FBN2: variants seen among roughly 807,000 people sequenced by gnomAD.
FBN2 encodes the protein fibrillin-2.
In FBN2, 105 loss-of-function variants were observed where a neutral mutation model predicts 355.6. The observed-to-expected ratio is 0.30, with a 90% CI of 0.25 to 0.35. The LOEUF (loss-of-function observed/expected upper bound fraction) is 0.35. Among genes scored for constraint, FBN2 ranks in the 10% least tolerant of loss-of-function variants. The pLI is 1.00. For missense variants in FBN2, 3,280 were observed against 3,758.7 expected (o/e 0.87, Z 3.33); for synonymous variants, 1,350 against 1,301.2 (o/e 1.04, Z -0.81).
At chr5:128,443,711 T>G (rs1753983654) in intron 7 of FBN2, among the ~76,000 whole-genome samples, 1 of 152,190 alleles carries the variant, frequency 6.6e-6, no homozygotes, top group South Asian at 2.1e-4. Context: ...AAAGAGAATT[T>G]AATTGCTGTG....
chr5:128,500,710 C>T (rs1478535938), intron 5 of FBN2, among the ~76,000 whole-genome samples: 1 of 152,054 alleles, frequency 6.6e-6, no homozygotes, highest in East Asian at 1.9e-4. Flanking sequence ...TCCTAAAGTG[C>T]TGGGATTACA....
At chr5:128,324,762 T>C (rs966409167) in intron 34 of FBN2, among the ~76,000 whole-genome samples, 2 of 151,962 alleles carry the variant, frequency 1.3e-5, no homozygotes, top group Non-Finnish European at 2.9e-5. Context: ...CGACTACAGG[T>C]GCCCGGCATC....
intron 62 of FBN2, among the ~76,000 whole-genome samples, chr5:128,271,238 T>C (rs1025338095): frequency 3.9e-5 from 6 of 152,234 alleles, no homozygotes; most frequent in African/African-American, 1.2e-4. Context: ...GATATTTCTC[T>C]GCAGGACCAC....
chr5:128,459,556 A>T (rs1754501353), intron 6 of FBN2, among the ~76,000 whole-genome samples: 2 of 152,240 alleles, frequency 1.3e-5, no homozygotes, highest in Admixed American at 6.5e-5. Context: ...AAAATCTTCA[A>T]TAAAATACTG....
intron 5 of FBN2, among the ~76,000 whole-genome samples, chr5:128,511,519 T>C (rs752100571): frequency 1.3e-5 from 2 of 152,218 alleles, no homozygotes; most frequent in Non-Finnish European, 2.9e-5. Flanking sequence ...CCCCCATGTT[T>C]ATGCAGTCAC....
intron 55 of FBN2, among the ~76,000 whole-genome samples, chr5:128,281,491 C>A (rs1765543594): frequency 6.6e-6 from 1 of 152,162 alleles, no homozygotes; most frequent in Admixed American, 6.5e-5. Context: ...ATTTACTTAT[C>A]TCTGCTCTCT....
chr5:128,300,764 A>G lies in FBN2; in HGVS notation c.6166+53T>C, dbSNP rs568220374. 148 of 1,594,862 alleles carry G rather than the reference A, an allele frequency of 9.3e-5. 1 individual carries two copies. The Middle Eastern group carries it at 3.5e-3, about 38-fold the overall frequency. On this transcript the variant is annotated intron_variant, in intron 48 of 64. Coordinates refer to ENST00000262464, the MANE Select transcript of FBN2 (RefSeq NM_001999.4). Reference sequence around the variant, plus strand: ...TTAGTATGTTTCCAGAGTCTTTACCATGTCTTACTATACTGAACTACTAGT... The same window carrying G: ...TTAGTATGTTTCCAGAGTCTTTACCGTGTCTTACTATACTGAACTACTAGT...
chr5:128,428,513 C>A (rs1303027827), intron 7 of FBN2, among the ~76,000 whole-genome samples: 1 of 152,110 alleles, frequency 6.6e-6, no homozygotes, highest in African/African-American at 2.4e-5. Context: ...ACTTGCTGGC[C>A]CCCATCAGGA....
intron 5 of FBN2, among the ~76,000 whole-genome samples, chr5:128,504,895 C>G (rs1755913573): frequency 6.6e-6 from 1 of 152,294 alleles, no homozygotes; most frequent in African/African-American, 2.4e-5. Context: ...ACCCAAATCT[C>G]ACTTAGAATT....
chr5:128,376,699 T>C (rs1229419101), intron 14 of FBN2, 32 bp downstream of exon 14: 6 of 1,612,736 alleles, frequency 3.7e-6, no homozygotes, highest in Non-Finnish European at 5.1e-6. Flanking sequence ...GTTTCAATCA[T>C]GGTCACTTTC....
At chr5:128,370,406 A>C (rs951242425) in intron 15 of FBN2, among the ~76,000 whole-genome samples, 12 of 152,114 alleles carry the variant, frequency 7.9e-5, no homozygotes, top group Admixed American at 1.3e-4. Context: ...ACCTGGGGGC[A>C]TTTCTGATTA....
At chr5:128,319,467 C>T (rs1387593835) in intron 34 of FBN2, among the ~76,000 whole-genome samples, 6 of 148,424 alleles carry the variant, frequency 4.0e-5, no homozygotes, top group African/African-American at 1.5e-4. Context: ...TTAAAATTAA[C>T]TTTTTAGTTA....
At chr5:128,481,696 T>C (rs1183133871) in intron 5 of FBN2, among the ~76,000 whole-genome samples, 2 of 152,178 alleles carry the variant, frequency 1.3e-5, no homozygotes, top group Non-Finnish European at 2.9e-5. Context: ...TAGAGAAATA[T>C]GATTCTTATT....
chr5:128,426,639 T>C (rs1753489684), intron 7 of FBN2, among the ~76,000 whole-genome samples: 1 of 152,198 alleles, frequency 6.6e-6, no homozygotes, highest in Non-Finnish European at 1.5e-5. Flanking sequence ...GTCTAATCTT[T>C]CATTCAGTTA....
chr5:128,519,144 T>A, intron 5 of FBN2, 129 bp downstream of exon 5: 1 of 748,424 alleles, frequency 1.3e-6, no homozygotes, highest in Non-Finnish European at 2.3e-6. Flanking sequence ...CCATTCAACT[T>A]AGAGACATAA....
At chr5:128,459,313 C>T (rs567415543) in intron 6 of FBN2, among the ~76,000 whole-genome samples, 1 of 152,182 alleles carries the variant, frequency 6.6e-6, no homozygotes, top group East Asian at 1.9e-4. Flanking sequence ...TAATTAATAG[C>T]CTACCAACCA....
chr5:128,535,786 G>C (rs1756828374), intron 2 of FBN2, among the ~76,000 whole-genome samples: 1 of 142,550 alleles, frequency 7.0e-6, no homozygotes, highest in African/African-American at 2.6e-5. Flanking sequence ...TCAGGGTCTG[G>C]AAACCCTAAA....
intron 55 of FBN2, among the ~76,000 whole-genome samples, chr5:128,281,536 A>C (rs2126811955): frequency 6.6e-6 from 1 of 152,226 alleles, no homozygotes; most frequent in South Asian, 2.1e-4. Context: ...GTTATCTAGA[A>C]GTTTTGGTTT....
chr5:128,316,818 T>C (rs1208220093), intron 36 of FBN2, among the ~76,000 whole-genome samples: 1 of 152,228 alleles, frequency 6.6e-6, no homozygotes, highest in Non-Finnish European at 1.5e-5. Flanking sequence ...ATGAGCTGCC[T>C]GTTCACAGCC....
Sources: gnomAD v4.1 joint callset for allele counts (sites outside exome capture counted in the v4.1 genomes callset) on GRCh38, gnomAD v4.1.1 for gene constraint, MANE v1.5 for transcripts, NCBI Gene and HGNC (gene_info 2026-07-23, HGNC 2026-07-21) for gene names.